Variants in PCSK5 observed in about 807,000 individuals in gnomAD.
PCSK5 encodes the protein proprotein convertase subtilisin/kexin type 5, also known as prohormone convertase 5.
PCSK5 carries 129 observed loss-of-function variants against 233.2 expected under a neutral mutation model. The observed-to-expected ratio is 0.55, with a 90% confidence interval of 0.48 to 0.64. The LOEUF (loss-of-function observed/expected upper bound fraction) is 0.64, where lower values mean the gene tolerates loss of function less well. PCSK5 is among the 30% of genes least tolerant of loss of function. The probability of loss-of-function intolerance (pLI) is 0.00; values close to 1 mark genes in which losing one functional copy is unlikely to be tolerated. For synonymous variants in PCSK5, 825 were observed against 879.2 expected (o/e 0.94, Z 1.09); for missense variants, 2,076 against 2,430.1 (o/e 0.85, Z 3.06).
rs768296889 is a variant in PCSK5, at chr9:76,334,470, C to T, written c.4748+1860C>T. Among the ~76,000 whole-genome samples the T allele has an allele frequency of 1.2e-4, 18 of 152,334 alleles. 1 individual carries two copies. Among genetic ancestry groups the T allele is most frequent in the East Asian group, 5.8e-4 (3 of 5,180 alleles). On this transcript the variant is annotated intron_variant, in intron 34 of 37. Transcript: ENST00000674117. The stretch of plus-strand genomic sequence containing the variant: ...CAGCCAGGCTGGGCAGGGTGGCTCA[C>T]GCCTATAATCCCAGCACTTTGGGAG...
Position 76,359,084 on chromosome 9 carries a change from G to T in PCSK5, c.*162G>T, listed in dbSNP as rs905726684. The T allele has an allele frequency of 3.3e-6, 2 of 609,056 alleles. No individual in the cohort carries two copies. The highest frequency in any genetic ancestry group is 5.7e-6 in the Non-Finnish European group (2 of 348,368). The allele number at this position is 609,056 out of a possible 1,614,324, so 37.7% of individuals were successfully genotyped here. A position where few individuals can be genotyped will look rare whatever the true frequency, so the allele number is the denominator to read the frequency against. ...ATATGTAAGAATGATGAAATACTTTGTTCTTCTTTTGAGTGGCTAAACTCA... is the reference window on the plus strand; with the variant it reads ...ATATGTAAGAATGATGAAATACTTTTTTCTTCTTTTGAGTGGCTAAACTCA... On this transcript the variant is annotated 3_prime_UTR_variant, in exon 38 of 38. Coordinates refer to ENST00000674117, the MANE Select transcript of PCSK5 (RefSeq NM_001372043.1).
intron 24 of PCSK5, among the ~76,000 whole-genome samples, chr9:76,288,723 T>C (rs2131401167): frequency 6.6e-6 from 1 of 152,350 alleles, no homozygotes; most frequent in South Asian, 2.1e-4. Flanking sequence ...CCTTTCACAG[T>C]CTGCATGGGG....
chr9:76,272,399 T>G (rs1827542443), intron 24 of PCSK5, among the ~76,000 whole-genome samples: 1 of 152,096 alleles, frequency 6.6e-6, no homozygotes, highest in Admixed American at 6.5e-5. Flanking sequence ...TCTCCTCTAA[T>G]AATGGCCTTC....
intron 3 of PCSK5, among the ~76,000 whole-genome samples, chr9:76,021,991 CA>C (rs1438707572): frequency 6.6e-6 from 1 of 152,162 alleles, no homozygotes; most frequent in Non-Finnish European, 1.5e-5. Flanking sequence ...ACCATCTTTG[CA>C]TTTGCTGTGT....
At chr9:75,909,089 C>T (rs1046306710) in intron 1 of PCSK5, among the ~76,000 whole-genome samples, 2 of 151,962 alleles carry the variant, frequency 1.3e-5, no homozygotes, top group African/African-American at 4.8e-5. Flanking sequence ...CTTTGGTAGG[C>T]CGAGGTGGGC....
intron 5 of PCSK5, among the ~76,000 whole-genome samples, chr9:76,061,031 CTTTT>C (rs931409036): frequency 6.6e-6 from 1 of 151,980 alleles, no homozygotes; most frequent in Non-Finnish European, 1.5e-5. Flanking sequence ...CACTAAATAT[CTTTT>C]TTTAACTGCA....
At position 75,984,738 on chromosome 9, in the gene PCSK5, A is replaced by G. The variant is rs181367254; in HGVS notation, c.298-1394A>G. On this transcript the variant is annotated intron_variant, in intron 2 of 37. Coordinates refer to ENST00000674117, the MANE Select transcript of PCSK5 (RefSeq NM_001372043.1). Reference sequence around the variant, plus strand: ...AAAACCAATTCTTACTCATCTTTGTATTTCTAACACAGTACCTAGCACTTG... The same window carrying G: ...AAAACCAATTCTTACTCATCTTTGTGTTTCTAACACAGTACCTAGCACTTG... Among the ~76,000 whole-genome samples, 807 of 152,304 alleles carry G rather than the reference A, an allele frequency of 5.3e-3. 6 individuals carry two copies. Among genetic ancestry groups the G allele is most frequent in the African/African-American group, 0.019 (771 of 41,576 alleles).
chr9:76,195,919 T>A (rs1824677839), intron 20 of PCSK5: 1 of 152,184 alleles, frequency 6.6e-6, no homozygotes, highest in Non-Finnish European at 1.5e-5. Flanking sequence ...CGTATAAACT[T>A]CTCTGAAAGG....
At chr9:75,959,792 T>C (rs1046459232) in intron 2 of PCSK5, among the ~76,000 whole-genome samples, 1 of 152,186 alleles carries the variant, frequency 6.6e-6, no homozygotes, top group Admixed American at 6.5e-5. Flanking sequence ...TATTGGATAC[T>C]CACCATGTGC....
At chr9:76,304,168 T>A (rs1828705331) in intron 28 of PCSK5, among the ~76,000 whole-genome samples, 1 of 152,028 alleles carries the variant, frequency 6.6e-6, no homozygotes, top group Non-Finnish European at 1.5e-5. Flanking sequence ...CGAGACTCTG[T>A]CTCAAAAAAT....
intron 25 of PCSK5, among the ~76,000 whole-genome samples, chr9:76,294,953 G>A (rs1828391070): frequency 6.6e-6 from 1 of 152,030 alleles, no homozygotes; most frequent in African/African-American, 2.4e-5. Flanking sequence ...AGGAGTTTGA[G>A]ACCAGCCTGG....
intron 1 of PCSK5, among the ~76,000 whole-genome samples, chr9:75,906,948 C>T (rs1187044713): frequency 1.3e-5 from 2 of 152,176 alleles, no homozygotes; most frequent in Non-Finnish European, 1.5e-5. Flanking sequence ...TTCACCTGAT[C>T]CATTGCTCTT....
In PCSK5 at chr9:76,239,182, G is replaced by A; in HGVS notation, c.3073+17G>A. The A allele has an allele frequency of 6.4e-7, 1 of 1,555,288 alleles. No homozygotes were observed. Among genetic ancestry groups the A allele is most frequent in the Non-Finnish European group, 8.7e-7 (1 of 1,148,594 alleles). On this transcript the variant is annotated intron_variant, in intron 23 of 37. Transcript: ENST00000674117. ...GTGGACAAGGTAAGCCTGCTCCTGG[G>A]CCCTTGCCCAGCACCCGAACATGGG...
intron 12 of PCSK5, among the ~76,000 whole-genome samples, chr9:76,159,619 T>C (rs1009835917): frequency 2.0e-5 from 3 of 152,188 alleles, no homozygotes; most frequent in African/African-American, 7.2e-5. Context: ...AGACAATAAA[T>C]GTGTTGAGCT....
intron 2 of PCSK5, among the ~76,000 whole-genome samples, chr9:75,975,817 G>A (rs1427319811): frequency 6.6e-6 from 1 of 152,004 alleles, no homozygotes; most frequent in Non-Finnish European, 1.5e-5. Flanking sequence ...ACCTTGCCTT[G>A]GCTTTCGAAT....
intron 20 of PCSK5, among the ~76,000 whole-genome samples, chr9:76,190,181 T>C (rs1306852251): frequency 6.6e-6 from 1 of 152,128 alleles, no homozygotes; most frequent in Non-Finnish European, 1.5e-5. Flanking sequence ...AAGTCCACAA[T>C]TTACATTAGG....
chr9:75,991,826 A>C (rs1826779148), intron 3 of PCSK5, among the ~76,000 whole-genome samples: 1 of 152,214 alleles, frequency 6.6e-6, no homozygotes, highest in South Asian at 2.1e-4. Flanking sequence ...GGGACTACCA[A>C]TTGAGAAAGT....
At chr9:76,090,952 T>C (rs1318710385) in intron 7 of PCSK5, among the ~76,000 whole-genome samples, 1 of 140,982 alleles carries the variant, frequency 7.1e-6, no homozygotes, top group Non-Finnish European at 1.6e-5. Context: ...CCTAGATCCC[T>C]CGCATGCGTA....
At chr9:75,922,117 A>G (rs1049899069) in intron 1 of PCSK5, among the ~76,000 whole-genome samples, 1 of 152,310 alleles carries the variant, frequency 6.6e-6, no homozygotes, top group African/African-American at 2.4e-5. Context: ...ACACTCAGTT[A>G]ATAGATGAAT....
Sources: allele counts gnomAD v4.1 joint callset (sites outside exome capture counted in the v4.1 genomes callset), GRCh38; gene constraint gnomAD v4.1.1; transcripts MANE v1.5; gene names NCBI Gene and HGNC (gene_info 2026-07-23, HGNC 2026-07-21).